The following CEBPZ variants were observed in gnomAD, a reference collection of about 807,000 sequenced individuals.
CEBPZ encodes the protein CCAAT enhancer binding protein zeta.
A neutral mutation model predicts 104.5 loss-of-function variants in CEBPZ; 78 were observed. That is an observed-to-expected ratio of 0.75 (90% confidence interval 0.62 to 0.90). The LOEUF is 0.90. Ranked by LOEUF, CEBPZ falls within the 40% of genes least tolerant of loss-of-function variation. The pLI is 0.00. For missense variants in CEBPZ, 1,439 were observed against 1,233.5 expected, an observed-to-expected ratio of 1.17 and a Z score of -2.50; for synonymous variants, 470 against 427.0, an observed-to-expected ratio of 1.10 and a Z score of -1.24.
chr2:37,216,128 G>C lies in CEBPZ; in HGVS notation c.2380+12C>G, dbSNP rs1283581741. Reference sequence around the variant, plus strand: ...GTCTTTTCAGTTTCAACTGTCTAAGGTTTATACTTACCAGGAAGATGACGA... The same window carrying C: ...GTCTTTTCAGTTTCAACTGTCTAAGCTTTATACTTACCAGGAAGATGACGA... On this transcript the variant is annotated intron_variant, in intron 8 of 15. Coordinates refer to ENST00000234170, the MANE Select transcript of CEBPZ (RefSeq NM_005760.3). 1 of 1,594,718 alleles carries C rather than the reference G, an allele frequency of 6.3e-7. No individual in the cohort carries two copies. The highest frequency in any genetic ancestry group is 8.6e-7 in the Non-Finnish European group (1 of 1,164,586).
Position 37,227,855 on chromosome 2 carries a change from A to G in CEBPZ, c.1338T>C (p.Asn446=), listed in dbSNP as rs1803251. 25,245 of 1,614,032 alleles carry G rather than the reference A, an allele frequency of 0.016. 3,392 individuals carry two copies. The African/African-American group carries it at 0.29, about 19-fold the overall frequency. The stretch of plus-strand genomic sequence containing the variant: ...TTTCTTCATGGGACAGAGCCATTTG[A>G]TTTAAAAAGCAAATTGCATAATATT... ...KAQYYAICFL[N]QMALSHEESE... The change falls in exon 2 of 16, where the codon AAT becomes AAC. Residue 446 remains asparagine (N), a synonymous_variant. Coordinates refer to ENST00000234170, the MANE Select transcript of CEBPZ (RefSeq NM_005760.3).
At position 37,228,794 on chromosome 2, in the gene CEBPZ, C is replaced by G; in HGVS notation, c.399G>C (p.Arg133Ser). 6.2e-7 allele frequency: 1 copy of G among 1,610,162 alleles called. No homozygotes were observed. Among genetic ancestry groups the G allele is most frequent in the African/African-American group, 1.3e-5 (1 of 74,704 alleles). ...INNKNTAESQRTSVNKVKNKN... is the reference protein window; with the variant it reads ...INNKNTAESQSTSVNKVKNKN... ...TATTTTTCACCTTATTAACTGATGT[C>G]CTTTGACTTTCTGCTGTATTTTTAT... Residue 133 changes from arginine to serine, a missense_variant, in exon 2 of 16, where the codon AGG (arginine) becomes AGC (serine). Coordinates refer to ENST00000234170, the MANE Select transcript of CEBPZ (RefSeq NM_005760.3).
At chr2:37,216,498 A>C (rs1677869968) in intron 6 of CEBPZ, 80 bp from the exon 7 acceptor site, 1 of 995,382 alleles carries the variant, frequency 1.0e-6, no homozygotes, top group Non-Finnish European at 1.6e-6. Flanking sequence ...AGAAAAAGAT[A>C]ATTTCTATTA....
chr2:37,221,654 C>G (rs1664774264), intron 4 of CEBPZ, among the ~76,000 whole-genome samples: 1 of 152,216 alleles, frequency 6.6e-6, no homozygotes. Flanking sequence ...AAGGATTATT[C>G]TCAGTTTAGT....
At chr2:37,212,212 C>G (rs1487680971) in intron 11 of CEBPZ, 123 bp downstream of exon 11, 2 of 1,016,462 alleles carry the variant, frequency 2.0e-6, no homozygotes, top group Admixed American at 4.3e-5. Context: ...GTACTGTATC[C>G]ACTTCCCAAA....
At chr2:37,225,067 CAAACTAACAAAA>C (rs1360171009) in intron 2 of CEBPZ, among the ~76,000 whole-genome samples, 1 of 151,710 alleles carries the variant, frequency 6.6e-6, no homozygotes, top group Admixed American at 6.6e-5. Context: ...AACAAACAAA[CAAACTAACAAAA>C]ACAAAACTCA....
intron 13 of CEBPZ, chr2:37,210,141 G>C (rs535765294): frequency 6.6e-6 from 1 of 152,310 alleles, no homozygotes; most frequent in South Asian, 2.1e-4. Flanking sequence ...TGTTGGCATG[G>C]ATGTGGTAAT....
intron 2 of CEBPZ, among the ~76,000 whole-genome samples, chr2:37,224,297 A>G (rs1572507625): frequency 6.6e-6 from 1 of 152,188 alleles, no homozygotes; most frequent in African/African-American, 2.4e-5. Flanking sequence ...GCTGAATCCT[A>G]CACATGTCCC....
intron 13 of CEBPZ, among the ~76,000 whole-genome samples, chr2:37,208,455 TG>T (rs1464623009): frequency 6.6e-6 from 1 of 152,136 alleles, no homozygotes. Context: ...CATGATCAAG[TG>T]GGTTTCTTGC....
chr2:37,222,271 G>T, intron 4 of CEBPZ, 109 bp downstream of exon 4: 1 of 966,786 alleles, frequency 1.0e-6, no homozygotes, highest in South Asian at 2.0e-5. Flanking sequence ...GCAACAGAGT[G>T]AGACTCTGTC....
rs1664811442 is a variant in CEBPZ, at chr2:37,223,315, A to G, written c.1736T>C (p.Val579Ala). ...CACAAAAGCCTTCACCCGGCGCAAC[A>G]CAATGTCAGCTTTCAGAGATTTGTA... ...LVYKSLKADIVLRRVKAFVKR... is the reference protein window; with the variant it reads ...LVYKSLKADIALRRVKAFVKR... Residue 579 changes from valine (V) to alanine (A), a missense_variant, in exon 3 of 16, where the codon GTG becomes GCG. Coordinates refer to ENST00000234170, the MANE Select transcript of CEBPZ (RefSeq NM_005760.3). 1 of 1,614,184 alleles carries G rather than the reference A, an allele frequency of 6.2e-7. No individual in the cohort carries two copies. The highest frequency in any genetic ancestry group is 2.2e-5 in the East Asian group (1 of 44,882).
intron 12 of CEBPZ, chr2:37,211,545 G>A: frequency 3.2e-6 from 1 of 308,440 alleles, no homozygotes; most frequent in Non-Finnish European, 5.9e-6. Context: ...TTTATAAACT[G>A]CTAATTACTA....
Position 37,228,289 on chromosome 2 carries a change from G to A in CEBPZ, c.904C>T (p.Arg302Trp), listed in dbSNP as rs762289766. The change falls in exon 2 of 16, where the codon CGG (arginine) becomes TGG (tryptophan). Residue 302 changes from arginine (R) to tryptophan (W), a missense_variant. Arg to Trp is a moderately radical substitution (Grantham distance 101, BLOSUM62 -3). Transcript: ENST00000234170. ...LLITDLLPDN[R>W]KLRIFSQRPF... ...CGCTGGCTGAAAATCCTCAGCTTCC[G>A]ATTGTCTGGCAAAAGGTCTGTGATA... 6.8e-6 allele frequency: 11 copies of A among 1,614,146 alleles called. No homozygotes were observed. The highest frequency in any genetic ancestry group is 2.2e-5 in the East Asian group (1 of 44,894).
chr2:37,227,106 G>A (rs1204477003), intron 2 of CEBPZ, among the ~76,000 whole-genome samples: 5 of 152,172 alleles, frequency 3.3e-5, no homozygotes, highest in Non-Finnish European at 4.4e-5. Context: ...AATACTTGTT[G>A]AATGAGTTAC....
At chr2:37,216,599 A>G (rs1490953950) in intron 6 of CEBPZ, among the ~76,000 whole-genome samples, 181 bp from the exon 7 acceptor site, 2 of 152,254 alleles carry the variant, frequency 1.3e-5, no homozygotes, top group African/African-American at 4.8e-5. Context: ...ACACAGATAC[A>G]TATACATACA....
chr2:37,205,749 C>T (rs1005669293), intron 13 of CEBPZ, among the ~76,000 whole-genome samples: 2 of 152,234 alleles, frequency 1.3e-5, no homozygotes, highest in African/African-American at 4.8e-5. Context: ...ACAGTGCTTT[C>T]TACATTTTTA....
intron 5 of CEBPZ, among the ~76,000 whole-genome samples, chr2:37,220,115 A>G (rs1489025244): frequency 2.0e-5 from 3 of 151,852 alleles, no homozygotes; most frequent in African/African-American, 7.3e-5. Context: ...TCAGGAGATC[A>G]AGACCATCCT....
At chr2:37,203,057 T>G (rs765240480) in intron 13 of CEBPZ, 49 bp from the exon 14 acceptor site, 1 of 1,270,980 alleles carries the variant, frequency 7.9e-7, no homozygotes, top group South Asian at 1.5e-5. Context: ...TCTAATGATT[T>G]TAGAAAAATG....
chr2:37,223,831 G>A (rs72875751), intron 2 of CEBPZ, among the ~76,000 whole-genome samples: 3,383 of 152,202 alleles, frequency 0.022, 76 homozygotes, highest in African/African-American at 0.062. Context: ...ACCAGAGGCC[G>A]CCTCTTCATG....
Sources: gnomAD v4.1 joint callset for allele counts (sites outside exome capture counted in the v4.1 genomes callset) on GRCh38, gnomAD v4.1.1 for gene constraint, MANE v1.5 for transcripts, NCBI Gene and HGNC (gene_info 2026-07-23, HGNC 2026-07-21) for gene names.